The following PCSK6 variants were observed in gnomAD, a reference collection of about 807,000 sequenced individuals.
The protein encoded by PCSK6 is paired basic amino acid cleaving enzyme 4.
A neutral mutation model predicts 123.3 loss-of-function variants in PCSK6; 85 were observed. The observed-to-expected ratio is 0.69, with a 90% CI of 0.58 to 0.83. The LOEUF (loss-of-function observed/expected upper bound fraction) is 0.83, where lower values mean the gene tolerates loss of function less well. Among genes scored for constraint, PCSK6 ranks in the 40% least tolerant of loss-of-function variants. The pLI is 0.00. For missense variants in PCSK6, 1,191 were observed against 1,282.3 expected, an observed-to-expected ratio of 0.93 and a Z score of 1.09; for synonymous variants, 508 against 516.0, an observed-to-expected ratio of 0.98 and a Z score of 0.21.
intron 6 of PCSK6, among the ~76,000 whole-genome samples, chr15:101,411,654 A>G (rs1469374322): frequency 5.3e-5 from 8 of 152,166 alleles, no homozygotes; most frequent in Non-Finnish European, 1.5e-5. Context: ...AATAGAACAA[A>G]TGGAAAAAAC....
intron 13 of PCSK6, among the ~76,000 whole-genome samples, chr15:101,357,859 A>G (rs941194212): frequency 2.0e-5 from 3 of 152,004 alleles, no homozygotes; most frequent in African/African-American, 4.8e-5. Flanking sequence ...CCACACCTCA[A>G]TGCCCGTCCA....
chr15:101,480,232 C>G (rs147405632), intron 1 of PCSK6, among the ~76,000 whole-genome samples: 1 of 152,188 alleles, frequency 6.6e-6, no homozygotes, highest in Non-Finnish European at 1.5e-5. Context: ...GGATGCTGGC[C>G]GGTGGCAGAA....
chr15:101,321,683 G>T (rs1048526314), intron 18 of PCSK6, among the ~76,000 whole-genome samples: 1 of 152,202 alleles, frequency 6.6e-6, no homozygotes, highest in African/African-American at 2.4e-5. Flanking sequence ...GCCCTCCACC[G>T]CCTCACCCTG....
At chr15:101,371,801 T>C (rs1025767766) in intron 11 of PCSK6, among the ~76,000 whole-genome samples, 2 of 152,216 alleles carry the variant, frequency 1.3e-5, no homozygotes, top group Non-Finnish European at 2.9e-5. Context: ...GTTCGGAGGC[T>C]GCCCTCTCAT....
At chr15:101,335,828 C>T (rs2040464785) in intron 13 of PCSK6, among the ~76,000 whole-genome samples, 1 of 152,208 alleles carries the variant, frequency 6.6e-6, no homozygotes, top group South Asian at 2.1e-4. Context: ...AGTGTGCTTA[C>T]ACAAACCTAG....
intron 4 of PCSK6, 91 bp from the exon 5 acceptor site, chr15:101,430,154 C>A: frequency 1.1e-6 from 1 of 928,930 alleles, no homozygotes; most frequent in Non-Finnish European, 1.8e-6. Context: ...AATAGAGAAA[C>A]CACACGCGGG....
intron 11 of PCSK6, among the ~76,000 whole-genome samples, chr15:101,371,359 A>G (rs929229148): frequency 6.6e-5 from 10 of 152,212 alleles, no homozygotes; most frequent in African/African-American, 2.4e-4. Flanking sequence ...CCATGGTGAC[A>G]GGTACACTAA....
chr15:101,322,001 CATT>C (rs1248366340), intron 18 of PCSK6, among the ~76,000 whole-genome samples: 2 of 152,244 alleles, frequency 1.3e-5, no homozygotes, highest in Non-Finnish European at 2.9e-5. Flanking sequence ...CAAGAACAAT[CATT>C]AACCCAGTAG....
At chr15:101,343,399 T>C in intron 13 of PCSK6, among the ~76,000 whole-genome samples, 1 of 152,148 alleles carries the variant, frequency 6.6e-6, no homozygotes, top group East Asian at 1.9e-4. Flanking sequence ...CTTTATGTTG[T>C]TGGTTTTTTT....
chr15:101,389,942 T>C (rs1446376692), intron 8 of PCSK6, among the ~76,000 whole-genome samples: 5 of 152,130 alleles, frequency 3.3e-5, no homozygotes, highest in Admixed American at 3.3e-4. Context: ...TTGTGGCCTG[T>C]CACCAACAGC....
intron 17 of PCSK6, among the ~76,000 whole-genome samples, chr15:101,323,730 C>CG (rs1491456963): frequency 6.2e-5 from 4 of 64,900 alleles, no homozygotes; most frequent in African/African-American, 2.6e-4. Flanking sequence ...GACTCCATCT[C>CG]GAAAAAAAAA....
chr15:101,456,117 G>A (rs2057171692), intron 1 of PCSK6, among the ~76,000 whole-genome samples: 1 of 152,216 alleles, frequency 6.6e-6, no homozygotes, highest in Non-Finnish European at 1.5e-5. Context: ...AACAGAACTT[G>A]CATACTCAAA....
intron 11 of PCSK6, among the ~76,000 whole-genome samples, chr15:101,380,635 G>A (rs746409537): frequency 6.6e-6 from 1 of 152,224 alleles, no homozygotes; most frequent in Admixed American, 6.5e-5. Context: ...AGCCACGGGA[G>A]AAAAAGGTGA....
At chr15:101,458,667 C>T (rs184819191) in intron 1 of PCSK6, among the ~76,000 whole-genome samples, 9 of 152,338 alleles carry the variant, frequency 5.9e-5, no homozygotes, top group African/African-American at 2.2e-4. Context: ...ACATACCCAG[C>T]AGATTGGCTC....
intron 18 of PCSK6, among the ~76,000 whole-genome samples, chr15:101,320,836 T>C (rs776067608): frequency 6.6e-6 from 1 of 152,222 alleles, no homozygotes; most frequent in Non-Finnish European, 1.5e-5. Context: ...GGCTGACGGC[T>C]GGCGATGCGT....
intron 13 of PCSK6, among the ~76,000 whole-genome samples, chr15:101,344,083 A>AT (rs889060171): frequency 3.3e-5 from 5 of 151,906 alleles, no homozygotes; most frequent in African/African-American, 4.9e-5. Context: ...CTCAAAAAAA[A>AT]AAATAAATAA....
intron 11 of PCSK6, among the ~76,000 whole-genome samples, chr15:101,378,812 T>A (rs2041826272): frequency 6.6e-6 from 1 of 152,210 alleles, no homozygotes; most frequent in Non-Finnish European, 1.5e-5. Flanking sequence ...TGCCAACGTA[T>A]CACTTGGGGT....
chr15:101,428,235 C>G (rs1316826281), intron 5 of PCSK6, among the ~76,000 whole-genome samples: 1 of 152,184 alleles, frequency 6.6e-6, no homozygotes, highest in African/African-American at 2.4e-5. Context: ...GCATGCCTCC[C>G]CTGACCCCCA....
intron 1 of PCSK6, among the ~76,000 whole-genome samples, chr15:101,462,600 G>A (rs1255546606): frequency 6.6e-6 from 1 of 152,148 alleles, no homozygotes; most frequent in Non-Finnish European, 1.5e-5. Context: ...AGAAAAGGGA[G>A]ACAATCTGTA....
Sources: allele counts gnomAD v4.1 joint callset (sites outside exome capture counted in the v4.1 genomes callset), GRCh38; gene constraint gnomAD v4.1.1; transcripts MANE v1.5; gene names NCBI Gene and HGNC (gene_info 2026-07-23, HGNC 2026-07-21).